Variants in SP3 observed in about 807,000 individuals in gnomAD.
SP3 encodes the protein transcription factor Sp3.
SP3 carries 10 observed loss-of-function variants against 70.3 expected under a neutral mutation model. The observed-to-expected ratio is 0.14, with a 90% CI of 0.09 to 0.24. The LOEUF is 0.24. SP3 is among the 10% of genes least tolerant of loss of function. The pLI is 1.00. For missense variants in SP3, 825 were observed against 914.6 expected (o/e 0.90, Z 1.26); for synonymous variants, 402 against 333.5 (o/e 1.21, Z -2.24).
intron 4 of SP3, among the ~76,000 whole-genome samples, chr2:173,954,010 TAA>T (rs1269710727): frequency 2.0e-5 from 3 of 152,344 alleles, no homozygotes; most frequent in East Asian, 3.9e-4. Flanking sequence ...TCAGTTCAGT[TAA>T]AGTGTCCCAA....
chr2:173,965,482 C>G (rs1225852637), upstream of SP3: 2 of 337,712 alleles, frequency 5.9e-6, no homozygotes, highest in Non-Finnish European at 1.1e-5. Context: ...CCAGGCGGCG[C>G]GCTTCCTGTT....
rs949027157 is a variant in SP3 at position 173,963,869 on chromosome 2, T to C, written c.171A>G (p.Ser57=). ...AAAAAQDTQP[S]PLALLAATCS... is the part of the protein sequence containing the mutation. ...AGGTAGCGGCCAGCAGAGCGAGCGG[T>C]GACGGCTGAGTGTCCTACCCCCAAT... The change falls in exon 3 of 7, where the codon TCA becomes TCG. Residue 57 remains serine, a synonymous_variant. Coordinates refer to ENST00000310015, the MANE Select transcript of SP3 (RefSeq NM_003111.5). 5 of 1,507,540 alleles carry C rather than the reference T, an allele frequency of 3.3e-6. No individual in the cohort carries two copies. Among genetic ancestry groups the C allele is most frequent in the South Asian group, 1.2e-5 (1 of 81,016 alleles). 93.4% of individuals were successfully genotyped at this position (1,507,540 alleles called of 1,614,324 possible).
intron 4 of SP3, among the ~76,000 whole-genome samples, chr2:173,923,846 T>A (rs1689831229): frequency 6.6e-6 from 1 of 152,010 alleles, no homozygotes; most frequent in East Asian, 1.9e-4. Flanking sequence ...GCCATAAAAA[T>A]CATCTAACAG....
intron 4 of SP3, among the ~76,000 whole-genome samples, chr2:173,944,845 G>A (rs1435873232): frequency 6.6e-6 from 1 of 152,168 alleles, no homozygotes; most frequent in African/African-American, 2.4e-5. Flanking sequence ...ATGGTGGGAC[G>A]GTGGTTCATG....
intron 3 of SP3, among the ~76,000 whole-genome samples, chr2:173,961,552 T>C (rs1180311761): frequency 6.6e-6 from 1 of 152,244 alleles, no homozygotes. Flanking sequence ...TGTTCATGTC[T>C]TAATTTGGAC....
At chr2:173,964,992 C>T in intron 1 of SP3, 173 bp downstream of exon 1, 4 of 814,230 alleles carry the variant, frequency 4.9e-6, no homozygotes, top group East Asian at 3.2e-5. Context: ...CGGGGGTGGA[C>T]GGTGGCTGGC....
chr2:173,956,816 C>T (rs945666198), intron 3 of SP3, among the ~76,000 whole-genome samples: 1 of 152,040 alleles, frequency 6.6e-6, no homozygotes, highest in Non-Finnish European at 1.5e-5. Flanking sequence ...AAGTCATTGC[C>T]CTGTGACCAC....
chr2:173,943,670 T>C (rs1454798878), intron 4 of SP3, among the ~76,000 whole-genome samples: 4 of 152,196 alleles, frequency 2.6e-5, no homozygotes, highest in Admixed American at 1.3e-4. Flanking sequence ...TTTAAAAGTA[T>C]TGTATTTGCT....
chr2:173,923,173 A>C (rs1402198454), intron 4 of SP3, among the ~76,000 whole-genome samples: 3 of 152,124 alleles, frequency 2.0e-5, no homozygotes, highest in Non-Finnish European at 4.4e-5. Context: ...CTCCACCTCA[A>C]AATGTTTAAG....
chr2:173,954,846 T>C, intron 4 of SP3, 27 bp downstream of exon 4: 1 of 1,595,784 alleles, frequency 6.3e-7, no homozygotes, highest in Non-Finnish European at 8.6e-7. Flanking sequence ...TGAACTTATT[T>C]ATGGCATGAC....
chr2:173,948,401 C>T (rs1176995056), intron 4 of SP3, among the ~76,000 whole-genome samples: 1 of 152,060 alleles, frequency 6.6e-6, no homozygotes, highest in Non-Finnish European at 1.5e-5. Context: ...TTCCTTTGTC[C>T]AGCCTATCCA....
intron 5 of SP3, chr2:173,915,955 A>G (rs1689609173): frequency 6.6e-6 from 1 of 152,070 alleles, no homozygotes; most frequent in Admixed American, 6.6e-5. Context: ...TCTTGCCCAT[A>G]TTCTTTAAAA....
At chr2:173,963,967 C>T (rs1691178254) in intron 2 of SP3, 84 bp from the exon 3 acceptor site, 5 of 955,278 alleles carry the variant, frequency 5.2e-6, no homozygotes, top group Admixed American at 7.2e-5. Context: ...ACAGGAAGTA[C>T]GACTCGGTCC....
intron 5 of SP3, chr2:173,915,677 A>G (rs1367554208): frequency 6.6e-6 from 1 of 152,092 alleles, no homozygotes; most frequent in Non-Finnish European, 1.5e-5. Flanking sequence ...GATTGTGCAC[A>G]ATTTTAAAAA....
At chr2:173,919,844 T>C (rs764142498) in intron 4 of SP3, among the ~76,000 whole-genome samples, 17 of 152,020 alleles carry the variant, frequency 1.1e-4, no homozygotes, top group Non-Finnish European at 1.3e-4. Context: ...GCTCAAACAA[T>C]TTCCCCCTAG....
intron 4 of SP3, among the ~76,000 whole-genome samples, chr2:173,931,891 T>A (rs1300136744): frequency 6.6e-6 from 1 of 152,254 alleles, no homozygotes; most frequent in African/African-American, 2.4e-5. Flanking sequence ...AAAGGAATGT[T>A]GTGGCTGGTA....
chr2:173,956,257 ATATATTTGTGG>A (rs1559109519), intron 3 of SP3, 25 bp from the exon 4 acceptor site: 1 of 1,546,156 alleles, frequency 6.5e-7, no homozygotes, highest in African/African-American at 1.4e-5. Context: ...CAAAAAGGTG[ATATATTTGTGG>A]TATATTTAAA....
intron 4 of SP3, among the ~76,000 whole-genome samples, chr2:173,931,447 G>C (rs1239717331): frequency 6.6e-6 from 1 of 152,080 alleles, no homozygotes; most frequent in African/African-American, 2.4e-5. Flanking sequence ...GGGTTCAAGC[G>C]ATTCTTCTGC....
chr2:173,909,850 C>T lies in SP3; in HGVS notation c.*91G>A. 1.5e-6 allele frequency: 2 copies of T among 1,328,126 alleles called. No individual in the cohort carries two copies. Among genetic ancestry groups the T allele is most frequent in the East Asian group, 2.4e-5 (1 of 41,178 alleles). The allele number at this position is 1,328,126 out of a possible 1,614,324, so 82.3% of individuals were successfully genotyped here. A position where few individuals can be genotyped will look rare whatever the true frequency, so the allele number is the denominator to read the frequency against. ...TACTGTCAATCCAAAAATTTTTGCA[C>T]ATCAATAAAAAGATATCTAAGAACT... On this transcript the variant is annotated 3_prime_UTR_variant, in exon 7 of 7. Coordinates refer to ENST00000310015, the MANE Select transcript of SP3 (RefSeq NM_003111.5).
Sources: gnomAD v4.1 joint callset for allele counts (sites outside exome capture counted in the v4.1 genomes callset) on GRCh38, gnomAD v4.1.1 for gene constraint, MANE v1.5 for transcripts, NCBI Gene and HGNC (gene_info 2026-07-23, HGNC 2026-07-21) for gene names.